NR1D2: variants seen among roughly 807,000 people sequenced by gnomAD.
NR1D2 encodes nuclear receptor subfamily 1 group D member 2.
In NR1D2, 25 loss-of-function variants were observed where a neutral mutation model predicts 52.2. The ratio of observed to expected loss-of-function variants is 0.48; its 90% confidence interval spans 0.35 to 0.67. The LOEUF is 0.67. NR1D2 is among the 30% of genes least tolerant of loss of function. NR1D2 has a pLI of 0.01. For synonymous variants in NR1D2, 259 were observed against 230.1 expected (o/e 1.13, Z -1.14); for missense variants, 681 against 707.2 (o/e 0.96, Z 0.42).
At chr3:23,945,716 G>C (rs922311104) in intron 1 of NR1D2, 122 bp downstream of exon 1, 1 of 636,060 alleles carries the variant, frequency 1.6e-6, no homozygotes, top group Non-Finnish European at 2.1e-6. Context: ...GGGCTGCTGC[G>C]CGCCGCGTGT....
Position 23,945,412 on chromosome 3 carries a change from T to C in NR1D2, c.-167T>C, listed in dbSNP as rs1236191506. ...GCCACCCTCTCTCGCTGCAGCCTGCTGTGCGCTGCACGGCCTGGGGCCCGG... is the reference window on the plus strand; with the variant it reads ...GCCACCCTCTCTCGCTGCAGCCTGCCGTGCGCTGCACGGCCTGGGGCCCGG... On this transcript the variant is annotated 5_prime_UTR_variant, in exon 1 of 8. Transcript: ENST00000312521. 6.1e-5 allele frequency: 12 copies of C among 198,228 alleles called. No individual in the cohort carries two copies. In the South Asian group the frequency reaches 1.9e-3, roughly 31 times the overall value. The allele number at this position is 198,228 out of a possible 1,614,324, so 12.3% of individuals were successfully genotyped here.
intron 5 of NR1D2, among the ~76,000 whole-genome samples, chr3:23,964,369 G>A (rs928568055): frequency 2.0e-5 from 3 of 152,152 alleles, no homozygotes; most frequent in Non-Finnish European, 2.9e-5. Flanking sequence ...GAGCCACTGC[G>A]CCCGGCCAGG....
rs534719412 is a variant in NR1D2 at position 23,967,048 on chromosome 3, G to A, written c.1333-765G>A. ...CAATAAATAAATAAATAAATAGGCC[G>A]GGCGCTGTGGCTCATGCCTGTAATT... On this transcript the variant is annotated intron_variant, in intron 6 of 7. Coordinates refer to ENST00000312521, the MANE Select transcript of NR1D2 (RefSeq NM_005126.5). Among the ~76,000 whole-genome samples the A allele has an allele frequency of 9.8e-4, 149 of 152,144 alleles. 1 individual carries two copies. The highest frequency in any genetic ancestry group is 6.1e-3 in the Admixed American group (93 of 15,262).
chr3:23,948,253 A>G (rs1254745942), intron 1 of NR1D2, among the ~76,000 whole-genome samples: 1 of 152,320 alleles, frequency 6.6e-6, no homozygotes, highest in Admixed American at 6.5e-5. Context: ...TCAACCAGTG[A>G]TCCTGTAATC....
At chr3:23,948,825 A>T (rs1448702744) in intron 1 of NR1D2, among the ~76,000 whole-genome samples, 1 of 152,244 alleles carries the variant, frequency 6.6e-6, no homozygotes, top group Admixed American at 6.5e-5. Flanking sequence ...TTGAAGATTT[A>T]TACGCAACTT....
intron 1 of NR1D2, among the ~76,000 whole-genome samples, chr3:23,952,854 A>G (rs1705976304): frequency 6.6e-6 from 1 of 152,086 alleles, no homozygotes; most frequent in Non-Finnish European, 1.5e-5. Context: ...TTTCCTCCTC[A>G]GAGGGTTTGT....
chr3:23,956,657 T>C (rs950135532), intron 3 of NR1D2, among the ~76,000 whole-genome samples: 5 of 152,218 alleles, frequency 3.3e-5, no homozygotes, highest in African/African-American at 4.8e-5. Flanking sequence ...GTTGAGCCCT[T>C]GGGAAAGCTA....
At chr3:23,948,667 C>T (rs183211851) in intron 1 of NR1D2, among the ~76,000 whole-genome samples, 2 of 152,308 alleles carry the variant, frequency 1.3e-5, no homozygotes, top group East Asian at 1.9e-4. Flanking sequence ...GTGCCGTTGC[C>T]ACCATCTTAA....
intron 3 of NR1D2, 38 bp from the exon 4 acceptor site, chr3:23,959,633 G>A (rs1462821212): frequency 1.3e-6 from 2 of 1,592,280 alleles, no homozygotes; most frequent in Non-Finnish European, 1.7e-6. Context: ...TCATTTGGGT[G>A]TTTTTAAATG....
At chr3:23,957,103 C>T (rs1334989361) in intron 3 of NR1D2, among the ~76,000 whole-genome samples, 1 of 151,940 alleles carries the variant, frequency 6.6e-6, no homozygotes, top group African/African-American at 2.4e-5. Flanking sequence ...CTGTCTCAGC[C>T]TCCCGAGTAG....
chr3:23,965,302 C>T (rs1048844661), intron 6 of NR1D2, 140 bp downstream of exon 6: 101 of 616,606 alleles, frequency 1.6e-4, no homozygotes, highest in African/African-American at 6.4e-4. Flanking sequence ...TGCAGCAGCG[C>T]GATCATAGCT....
intron 1 of NR1D2, among the ~76,000 whole-genome samples, chr3:23,951,289 G>A (rs577866078): frequency 6.6e-6 from 1 of 152,272 alleles, no homozygotes; most frequent in South Asian, 2.1e-4. Context: ...GGGGCCCTAG[G>A]AAAGTCTTAC....
intron 1 of NR1D2, chr3:23,946,146 C>A: frequency 2.4e-5 from 24 of 985,198 alleles, no homozygotes; most frequent in Non-Finnish European, 2.9e-5. Flanking sequence ...GGGTTGCACA[C>A]TGCGGAGGAG....
In NR1D2 at chr3:23,962,372, C is replaced by T; in HGVS notation, c.913C>T (p.Leu305Phe). 6.2e-7 allele frequency: 1 copy of T among 1,614,134 alleles called. No homozygotes were observed. The highest frequency in any genetic ancestry group is 1.3e-5 in the African/African-American group (1 of 75,042). ...NLNHDHCGNG[L>F]SSHFPCSESQ... The stretch of plus-strand genomic sequence containing the variant: ...AAATCATGATCATTGCGGCAATGGG[C>T]TTAGCAGCCATTTTCCCTGTAGTGA... Residue 305 changes from leucine to phenylalanine, a missense_variant, in exon 5 of 8, where the codon CTT becomes TTT. By Grantham distance (22) the Leu-to-Phe change is conservative. Coordinates refer to ENST00000312521, the MANE Select transcript of NR1D2 (RefSeq NM_005126.5).
At chr3:23,964,738 T>G in intron 5 of NR1D2, 1 of 373,778 alleles carries the variant, frequency 2.7e-6, no homozygotes, top group Admixed American at 4.3e-5. Flanking sequence ...TTGTTATAGA[T>G]GATATTTTTG....
At chr3:23,963,434 G>A in intron 5 of NR1D2, 1 of 1,174,420 alleles carries the variant, frequency 8.5e-7, no homozygotes. Flanking sequence ...TGGACCTTAT[G>A]TTAGGCTAAG....
In NR1D2 at chr3:23,962,538, T is replaced by C. The variant is rs770323164; in HGVS notation, c.1079T>C (p.Ile360Thr). ...CAAAGAGTATGTGATAGAGTTCCGATAGATGGATTTTCTCAGAATGAGAAC... is the reference window on the plus strand; with the variant it reads ...CAAAGAGTATGTGATAGAGTTCCGACAGATGGATTTTCTCAGAATGAGAAC... ...YTQRVCDRVP[I>T]DGFSQNENKN... The change falls in exon 5 of 8, where the codon ATA becomes ACA. Residue 360 changes from isoleucine to threonine, a missense_variant. By Grantham distance (89) the Ile-to-Thr change is moderately conservative (BLOSUM62 -1). This residue lies in a region of NR1D2 where 475 missense variants were observed against 454.5 expected (regional missense o/e 1.05). Coordinates refer to ENST00000312521, the MANE Select transcript of NR1D2 (RefSeq NM_005126.5). 9.3e-6 allele frequency: 15 copies of C among 1,613,802 alleles called. No homozygotes were observed. The highest frequency in any genetic ancestry group is 1.2e-5 in the Non-Finnish European group (14 of 1,179,716).
chr3:23,952,548 A>G (rs1404741140), intron 1 of NR1D2, among the ~76,000 whole-genome samples: 5 of 146,100 alleles, frequency 3.4e-5, no homozygotes, highest in South Asian at 2.2e-4. Flanking sequence ...TGTCTCTACT[A>G]AAAAAAAAAC....
rs7644275 is a variant in NR1D2 at position 23,945,492 on chromosome 3, C to A, written c.-87C>A. 2.4e-6 allele frequency: 2 copies of A among 850,202 alleles called. No individual in the cohort carries two copies. The highest frequency in any genetic ancestry group is 1.9e-5 in the African/African-American group (1 of 53,340). 52.7% of individuals were successfully genotyped at this position (850,202 alleles called of 1,614,324 possible). On this transcript the variant is annotated 5_prime_UTR_variant, in exon 1 of 8. Transcript: ENST00000312521. The stretch of plus-strand genomic sequence containing the variant: ...CCCCGCGACCACCGCTGCTTCCAGC[C>A]CGGGGCGGCGCGGCGCTGAGGCGGC...
Sources: allele counts gnomAD v4.1 joint callset (sites outside exome capture counted in the v4.1 genomes callset), GRCh38; gene constraint gnomAD v4.1.1; regional missense constraint gnomAD v4.1.1; transcripts MANE v1.5; gene names NCBI Gene and HGNC (gene_info 2026-07-23, HGNC 2026-07-21).